Variants in NOL4L observed in about 807,000 individuals in gnomAD.
NOL4L encodes nucleolar protein 4 like.
In NOL4L, 7 loss-of-function variants were observed where a neutral mutation model predicts 64.5. That is an observed-to-expected ratio of 0.11 (90% confidence interval 0.06 to 0.20). The LOEUF (loss-of-function observed/expected upper bound fraction) is 0.20. NOL4L is among the 10% of genes least tolerant of loss of function. The pLI, the probability that NOL4L is intolerant of heterozygous loss-of-function variation, is 1.00. For synonymous variants in NOL4L, 413 were observed against 401.0 expected, an observed-to-expected ratio of 1.03 and a Z score of -0.36; for missense variants, 680 against 967.1, an observed-to-expected ratio of 0.70 and a Z score of 3.94.
At chr20:32,505,994 C>T (rs1051183752) in intron 4 of NOL4L, among the ~76,000 whole-genome samples, 1 of 152,142 alleles carries the variant, frequency 6.6e-6, no homozygotes, top group Non-Finnish European at 1.5e-5. Flanking sequence ...TGTGAATATA[C>T]TCAATGCCAC....
chr20:32,474,959 G>C, intron 4 of NOL4L: 3 of 985,280 alleles, frequency 3.0e-6, no homozygotes, highest in Non-Finnish European at 3.6e-6. Flanking sequence ...GCTAAGGGCC[G>C]GCACTGTCTG....
chr20:32,453,283 G>GCT lies in NOL4L; in HGVS notation c.1497+20_1497+21insAG. 6.2e-7 allele frequency: 1 copy of GCT among 1,607,570 alleles called. No individual in the cohort carries two copies. Among genetic ancestry groups the GCT allele is most frequent in the Non-Finnish European group, 8.5e-7 (1 of 1,175,364 alleles). Reference sequence around the variant, plus strand: ...AGTAGTGGCACCGAGGGAAAGTGTGGGCCAGGCAGGGGGGACTCACCATCT... The same window carrying GCT: ...AGTAGTGGCACCGAGGGAAAGTGTGGCTGCCAGGCAGGGGGGACTCACCATCT... On this transcript the variant is annotated intron_variant, in intron 8 of 10. Coordinates refer to ENST00000621426, the MANE Select transcript of NOL4L (RefSeq NM_001256798.2). This position sits in a 1 kb window ranked among gnomAD's most constrained non-coding sequence, Gnocchi z 5.6.
intron 4 of NOL4L, among the ~76,000 whole-genome samples, chr20:32,505,442 G>A (rs1260938581): frequency 2.6e-5 from 4 of 152,146 alleles, no homozygotes; most frequent in Non-Finnish European, 5.9e-5. Flanking sequence ...AATAAAGTTG[G>A]TCAGGCGCAA....
intron 1 of NOL4L, among the ~76,000 whole-genome samples, chr20:32,547,203 C>T (rs915605839): frequency 3.3e-5 from 5 of 152,182 alleles, no homozygotes; most frequent in Non-Finnish European, 5.9e-5. Flanking sequence ...GAGAAAACTG[C>T]GGCCCAGAGA....
chr20:32,564,117 G>A (rs1979270360), intron 1 of NOL4L, among the ~76,000 whole-genome samples: 1 of 152,184 alleles, frequency 6.6e-6, no homozygotes, highest in African/African-American at 2.4e-5. Context: ...CATCCACCAC[G>A]GCGGGCCCCA....
rs938777996 is a variant in NOL4L at position 32,451,362 on chromosome 20, A to G, written c.1822+874T>C. Among the ~76,000 whole-genome samples, 6 of 152,168 alleles carry G rather than the reference A, an allele frequency of 3.9e-5. No individual in the cohort carries two copies. The East Asian group carries it at 1.2e-3, about 29-fold the overall frequency. On this transcript the variant is annotated intron_variant, in intron 10 of 10. Coordinates refer to ENST00000621426, the MANE Select transcript of NOL4L (RefSeq NM_001256798.2). ...AACCTAGCAGGGGCTCCTCCTGCACACAGAACACAACCCGAGTGCCTGGCC... is the reference window on the plus strand; with the variant it reads ...AACCTAGCAGGGGCTCCTCCTGCACGCAGAACACAACCCGAGTGCCTGGCC...
intron 4 of NOL4L, among the ~76,000 whole-genome samples, chr20:32,482,331 C>G (rs2015781902): frequency 6.6e-6 from 1 of 152,124 alleles, no homozygotes; most frequent in South Asian, 2.1e-4. Context: ...TAACCTTAAC[C>G]TTTCTACAGG....
chr20:32,477,417 C>A (rs1400687922), intron 4 of NOL4L, among the ~76,000 whole-genome samples: 1 of 152,234 alleles, frequency 6.6e-6, no homozygotes, highest in Non-Finnish European at 1.5e-5. Flanking sequence ...CACACTGCTG[C>A]TGTGAACCAC....
rs950395268 is a variant in NOL4L at position 32,445,673 on chromosome 20, C to T, written c.*1923G>A. Reference sequence around the variant, plus strand: ...GTTGTGCTGTGCTAAGGGTGAGTCTCAGGTGTCCTGGCCCTGACCAGAGGC... The same window carrying T: ...GTTGTGCTGTGCTAAGGGTGAGTCTTAGGTGTCCTGGCCCTGACCAGAGGC... On this transcript the variant is annotated 3_prime_UTR_variant, in exon 11 of 11. Coordinates refer to ENST00000621426, the MANE Select transcript of NOL4L (RefSeq NM_001256798.2). 1.3e-5 allele frequency: 2 copies of T among 152,580 alleles called. No individual in the cohort carries two copies. Among genetic ancestry groups the T allele is most frequent in the Admixed American group, 6.5e-5 (1 of 15,276 alleles). The allele number at this position is 152,580 out of a possible 1,614,324, so 9.5% of individuals were successfully genotyped here.
intron 5 of NOL4L, among the ~76,000 whole-genome samples, chr20:32,456,635 C>T (rs2013560107): frequency 6.6e-6 from 1 of 152,202 alleles, no homozygotes. Context: ...CTGTGCAGGG[C>T]ATGGAGGGTC....
chr20:32,449,654 G>T (rs772004915), intron 10 of NOL4L: 2 of 152,304 alleles, frequency 1.3e-5, no homozygotes, highest in Non-Finnish European at 2.9e-5. Flanking sequence ...AGGGGTTGGG[G>T]CTGTGTCTGG....
At chr20:32,488,965 CTTTT>C (rs1174304651) in intron 4 of NOL4L, among the ~76,000 whole-genome samples, 6 of 45,082 alleles carry the variant, frequency 1.3e-4, no homozygotes, top group African/African-American at 7.9e-4. Flanking sequence ...AATTGTTGGT[CTTTT>C]TTTTTTTTTT....
intron 1 of NOL4L, among the ~76,000 whole-genome samples, chr20:32,568,899 C>T (rs1979597963): frequency 6.6e-6 from 1 of 152,186 alleles, no homozygotes; most frequent in South Asian, 2.1e-4. Flanking sequence ...ATCTCACCAG[C>T]CCTCATGTTG....
chr20:32,582,134 G>C (rs1250172192), intron 1 of NOL4L: 1 of 152,180 alleles, frequency 6.6e-6, no homozygotes, highest in Non-Finnish European at 1.5e-5. Flanking sequence ...GGTAACTGAC[G>C]GGCTCTCGGG....
At chr20:32,560,942 C>G (rs1436115814) in intron 1 of NOL4L, among the ~76,000 whole-genome samples, 1 of 152,260 alleles carries the variant, frequency 6.6e-6, no homozygotes, top group Non-Finnish European at 1.5e-5. Context: ...ATGTCCCCAG[C>G]AGGGCCGGAG....
chr20:32,566,463 A>G (rs949547632), intron 1 of NOL4L, among the ~76,000 whole-genome samples: 3 of 152,118 alleles, frequency 2.0e-5, no homozygotes, highest in African/African-American at 4.8e-5. Flanking sequence ...GGGCTCAGAA[A>G]TCATTTTGTT....
At chr20:32,475,292 G>A (rs955111528) in intron 4 of NOL4L, 2 of 985,460 alleles carry the variant, frequency 2.0e-6, no homozygotes, top group Non-Finnish European at 2.4e-6. Context: ...CCTAACCTTT[G>A]CTGTGCTTCA....
chr20:32,527,099 C>T (rs2018160643), intron 2 of NOL4L, among the ~76,000 whole-genome samples: 1 of 152,196 alleles, frequency 6.6e-6, no homozygotes, highest in African/African-American at 2.4e-5. Flanking sequence ...ACACAGTCCC[C>T]CGGGCTCATC....
At chr20:32,583,652 C>G (rs1033130715) in intron 1 of NOL4L, among the ~76,000 whole-genome samples, 2 of 149,740 alleles carry the variant, frequency 1.3e-5, no homozygotes, top group East Asian at 2.0e-4. Context: ...GGCCGCCCCC[C>G]CCCCAGCCCC....
Sources: gnomAD v4.1 joint callset for allele counts (sites outside exome capture counted in the v4.1 genomes callset) on GRCh38, gnomAD v4.1.1 for gene constraint, Gnocchi (gnomAD v3.1) non-coding constraint, MANE v1.5 for transcripts, NCBI Gene and HGNC (gene_info 2026-07-23, HGNC 2026-07-21) for gene names.